The following KYNU variants were observed in gnomAD, a reference collection of about 807,000 sequenced individuals.
KYNU encodes L-kynurenine hydrolase.
In KYNU, 54 loss-of-function variants were observed where a neutral mutation model predicts 59.2. That is an observed-to-expected ratio of 0.91 (90% CI 0.73 to 1.14). The LOEUF is 1.14. Ranked by LOEUF, KYNU falls within the 50% of genes most tolerant of loss-of-function variation. The pLI is 0.00. For missense variants in KYNU, 567 were observed against 554.4 expected (o/e 1.02, Z -0.23); for synonymous variants, 177 against 192.0 (o/e 0.92, Z 0.65).
At chr2:143,024,638 A>G (rs1245121419) in intron 10 of KYNU, among the ~76,000 whole-genome samples, 1 of 151,812 alleles carries the variant, frequency 6.6e-6, no homozygotes, top group Non-Finnish European at 1.5e-5. Context: ...CTTTATTCTG[A>G]CTTAACCTTT....
chr2:142,928,772 C>T (rs1464140320), intron 4 of KYNU, among the ~76,000 whole-genome samples: 2 of 152,016 alleles, frequency 1.3e-5, no homozygotes, highest in Non-Finnish European at 2.9e-5. Flanking sequence ...CTTTGACAGT[C>T]TGAGGTGGGT....
At chr2:142,889,357 G>A (rs749291657) in intron 2 of KYNU, among the ~76,000 whole-genome samples, 11 of 152,066 alleles carry the variant, frequency 7.2e-5, no homozygotes, top group Non-Finnish European at 1.6e-4. Flanking sequence ...TTGCTCCCTC[G>A]GTGTAGCATT....
chr2:143,019,151 T>G (rs1350985501), intron 10 of KYNU, among the ~76,000 whole-genome samples: 2 of 152,114 alleles, frequency 1.3e-5, no homozygotes, highest in Non-Finnish European at 2.9e-5. Context: ...GATTGCTCTG[T>G]CTAGGACTTT....
intron 10 of KYNU, among the ~76,000 whole-genome samples, chr2:143,017,784 G>A (rs1490545117): frequency 6.6e-6 from 1 of 152,004 alleles, no homozygotes; most frequent in East Asian, 1.9e-4. Flanking sequence ...GTGTGAGGTG[G>A]TGTATCATTG....
chr2:142,995,290 T>TA (rs1213439853), intron 10 of KYNU, among the ~76,000 whole-genome samples: 1 of 152,112 alleles, frequency 6.6e-6, no homozygotes, highest in East Asian at 1.9e-4. Flanking sequence ...AGTGCTTTTT[T>TA]ATGACTATGC....
At chr2:142,892,228 T>A (rs1681741088) in intron 2 of KYNU, among the ~76,000 whole-genome samples, 1 of 152,262 alleles carries the variant, frequency 6.6e-6, no homozygotes, top group Non-Finnish European at 1.5e-5. Context: ...TGGGAGCCTT[T>A]CATGTTACTT....
intron 2 of KYNU, among the ~76,000 whole-genome samples, chr2:142,914,657 C>A (rs973291525): frequency 6.6e-6 from 1 of 152,148 alleles, no homozygotes; most frequent in Non-Finnish European, 1.5e-5. Flanking sequence ...ATATTTCAAA[C>A]TTTTTCATTA....
At chr2:142,975,377 A>G (rs1390307258) in intron 8 of KYNU, among the ~76,000 whole-genome samples, 5 of 152,126 alleles carry the variant, frequency 3.3e-5, no homozygotes, top group Admixed American at 1.3e-4. Flanking sequence ...TCCCACCTCC[A>G]TCACTCAATT....
At chr2:142,964,955 A>C (rs1684481325) in intron 8 of KYNU, among the ~76,000 whole-genome samples, 1 of 152,054 alleles carries the variant, frequency 6.6e-6, no homozygotes, top group South Asian at 2.1e-4. Flanking sequence ...GCTCTGTCTT[A>C]CTTCCATGTT....
chr2:142,888,215 A>C (rs532858506), intron 2 of KYNU, among the ~76,000 whole-genome samples: 1 of 152,232 alleles, frequency 6.6e-6, no homozygotes, highest in African/African-American at 2.4e-5. Context: ...CCCAGCACTT[A>C]GGGAGGCGGA....
intron 2 of KYNU, among the ~76,000 whole-genome samples, chr2:142,909,675 A>G (rs1300446040): frequency 1.3e-5 from 2 of 152,192 alleles, no homozygotes; most frequent in African/African-American, 2.4e-5. Context: ...GTGTATTTGT[A>G]CCACATGTTC....
intron 4 of KYNU, among the ~76,000 whole-genome samples, chr2:142,929,532 G>C (rs932793591): frequency 6.6e-6 from 1 of 152,104 alleles, no homozygotes; most frequent in Non-Finnish European, 1.5e-5. Flanking sequence ...AATATGAGTG[G>C]TCATGACCCA....
At chr2:142,928,979 G>A (rs1262123770) in intron 4 of KYNU, among the ~76,000 whole-genome samples, 11 of 125,962 alleles carry the variant, frequency 8.7e-5, no homozygotes, top group African/African-American at 3.4e-4. Flanking sequence ...CTGTTGTTCA[G>A]CCTGGACGAC....
chr2:143,014,410 G>T (rs1225637223), intron 10 of KYNU, among the ~76,000 whole-genome samples: 2 of 152,198 alleles, frequency 1.3e-5, no homozygotes, highest in Non-Finnish European at 2.9e-5. Context: ...TAATGGGTTA[G>T]ATCCATTGTT....
intron 8 of KYNU, among the ~76,000 whole-genome samples, chr2:142,962,320 G>A (rs895327642): frequency 2.0e-5 from 3 of 152,184 alleles, no homozygotes; most frequent in Middle Eastern, 3.4e-3. Flanking sequence ...TTGACATCTC[G>A]CTTTAAAAGT....
At chr2:142,915,055 A>C (rs1255549699) in intron 2 of KYNU, among the ~76,000 whole-genome samples, 1 of 152,232 alleles carries the variant, frequency 6.6e-6, no homozygotes, top group Non-Finnish European at 1.5e-5. Flanking sequence ...ATAATTTCTT[A>C]ATAACTCCTA....
At chr2:142,901,298 T>C (rs1469524868) in intron 2 of KYNU, among the ~76,000 whole-genome samples, 1 of 152,172 alleles carries the variant, frequency 6.6e-6, no homozygotes, top group Non-Finnish European at 1.5e-5. Flanking sequence ...TTTCGGTGGC[T>C]AGCCATTCTG....
chr2:142,995,430 G>GA (rs1685512657), intron 10 of KYNU, among the ~76,000 whole-genome samples: 2 of 151,888 alleles, frequency 1.3e-5, no homozygotes, highest in Admixed American at 1.3e-4. Context: ...CAAATGAGAA[G>GA]AAAAAAATGA....
At chr2:142,971,033 T>TAGGCCCTCA (rs1215896354) in intron 8 of KYNU, 1 of 152,176 alleles carries the variant, frequency 6.6e-6, no homozygotes, top group African/African-American at 2.4e-5. Flanking sequence ...CCTCATTGTA[T>TAGGCCCTCA]TAGCAAACAT....
Sources: allele counts gnomAD v4.1 joint callset (sites outside exome capture counted in the v4.1 genomes callset), GRCh38; gene constraint gnomAD v4.1.1; transcripts MANE v1.5; gene names NCBI Gene and HGNC (gene_info 2026-07-23, HGNC 2026-07-21).